NELL2: variants seen among roughly 807,000 people sequenced by gnomAD.
NELL2 encodes the protein protein kinase C-binding protein NELL2.
NELL2 carries 41 observed loss-of-function variants against 109.6 expected under a neutral mutation model. The ratio of observed to expected loss-of-function variants is 0.37; its 90% CI spans 0.29 to 0.49. The LOEUF is 0.49. Ranked by LOEUF, NELL2 falls within the 20% of genes least tolerant of loss-of-function variation. The pLI is 0.98. For missense variants in NELL2, 900 were observed against 1,008.3 expected (o/e 0.89, Z 1.45); for synonymous variants, 355 against 344.7 (o/e 1.03, Z -0.33).
intron 15 of NELL2, among the ~76,000 whole-genome samples, chr12:44,596,489 G>A (rs1944968494): frequency 6.6e-6 from 1 of 152,154 alleles, no homozygotes; most frequent in South Asian, 2.1e-4. Flanking sequence ...TGTAGGGATT[G>A]CAGTAAGGTC....
chr12:44,675,063 G>A (rs1203103736), intron 12 of NELL2, among the ~76,000 whole-genome samples: 1 of 152,130 alleles, frequency 6.6e-6, no homozygotes, highest in Non-Finnish European at 1.5e-5. Flanking sequence ...ATGGTCTGAT[G>A]TGAAGCTCAA....
At chr12:44,537,887 T>G (rs1400920533) in intron 15 of NELL2, among the ~76,000 whole-genome samples, 1 of 152,164 alleles carries the variant, frequency 6.6e-6, no homozygotes, top group African/African-American at 2.4e-5. Context: ...TTCTCATGAA[T>G]TTTTTGAAAA....
chr12:44,528,097 CAAAA>C (rs71093812), intron 16 of NELL2, among the ~76,000 whole-genome samples: 13 of 22,000 alleles, frequency 5.9e-4, no homozygotes, highest in East Asian at 2.4e-3. Flanking sequence ...GACTCCGTCT[CAAAA>C]AAAAAAAAAA....
At chr12:44,892,930 A>G (rs1176167891) in intron 1 of NELL2, among the ~76,000 whole-genome samples, 1 of 152,206 alleles carries the variant, frequency 6.6e-6, no homozygotes, top group Admixed American at 6.5e-5. Context: ...TATTAAAAAA[A>G]ATCATAATCC....
At chr12:44,561,096 T>C (rs1050577796) in intron 15 of NELL2, among the ~76,000 whole-genome samples, 2 of 152,142 alleles carry the variant, frequency 1.3e-5, no homozygotes, top group Non-Finnish European at 2.9e-5. Flanking sequence ...ATTATCTCAA[T>C]AGATGCAGAA....
rs147451678 is a variant in NELL2, at chr12:44,890,355, C to A, written c.39-14455G>T. Reference sequence around the variant, plus strand: ...GGGAAGACTGGCCATCATTTAGGATCATATAATAGAAAAGCATGTAAAGTT... The same window carrying A: ...GGGAAGACTGGCCATCATTTAGGATAATATAATAGAAAAGCATGTAAAGTT... On this transcript the variant is annotated intron_variant, in intron 1 of 20. Coordinates refer to the NELL2 transcript ENST00000333837. 3.1e-3 allele frequency among the ~76,000 whole-genome samples: 470 copies of A among 152,300 alleles called. 3 individuals carry two copies. Among genetic ancestry groups the A allele is most frequent in the African/African-American group, 0.011 (443 of 41,558 alleles).
At chr12:44,711,141 T>C in intron 11 of NELL2, 151 bp downstream of exon 11, 1 of 591,588 alleles carries the variant, frequency 1.7e-6, no homozygotes, top group South Asian at 1.9e-5. Flanking sequence ...CTACCTACTG[T>C]GCTACTCTGT....
intron 2 of NELL2, among the ~76,000 whole-genome samples, chr12:44,872,993 C>T (rs1461743851): frequency 6.6e-6 from 1 of 152,148 alleles, no homozygotes; most frequent in Non-Finnish European, 1.5e-5. Context: ...AAAGACCTTG[C>T]CAAGGTAATG....
chr12:44,912,890 A>T (rs1052073033), intron 1 of NELL2, among the ~76,000 whole-genome samples: 1 of 152,172 alleles, frequency 6.6e-6, no homozygotes, highest in Admixed American at 6.5e-5. Context: ...AATCCTAGCT[A>T]TTCCACTTAC....
intron 12 of NELL2, among the ~76,000 whole-genome samples, chr12:44,684,352 TC>T (rs1468950561): frequency 8.5e-5 from 13 of 152,148 alleles, no homozygotes; most frequent in African/African-American, 3.1e-4. Flanking sequence ...ATTTTGTTGA[TC>T]CTTTCAAAAA....
chr12:44,519,919 C>T, intron 19 of NELL2, 86 bp downstream of exon 19: 1 of 1,172,190 alleles, frequency 8.5e-7, no homozygotes. Flanking sequence ...AAAAACCTTC[C>T]TATTGTCCAG....
At chr12:44,637,635 G>A (rs570412489) in intron 13 of NELL2, among the ~76,000 whole-genome samples, 48 of 149,404 alleles carry the variant, frequency 3.2e-4, no homozygotes, top group African/African-American at 8.9e-4. Context: ...GGGAATACGC[G>A]TGTAAAGACC....
chr12:44,765,642 T>C (rs751086911), intron 9 of NELL2, among the ~76,000 whole-genome samples: 3 of 152,210 alleles, frequency 2.0e-5, no homozygotes, highest in Non-Finnish European at 4.4e-5. Flanking sequence ...CAAATAGATA[T>C]GTTACCAGCT....
chr12:44,646,617 T>C (rs543401139), intron 13 of NELL2, among the ~76,000 whole-genome samples: 42 of 152,266 alleles, frequency 2.8e-4, no homozygotes, highest in Non-Finnish European at 4.9e-4. Flanking sequence ...ACTCAACCAT[T>C]TTTGGATTGC....
At chr12:44,559,898 C>T (rs1242537005) in intron 15 of NELL2, among the ~76,000 whole-genome samples, 1 of 152,164 alleles carries the variant, frequency 6.6e-6, no homozygotes, top group Non-Finnish European at 1.5e-5. Context: ...CCACATCACA[C>T]TTATTCTAAA....
At chr12:44,771,900 A>G (rs1310091200) in intron 9 of NELL2, among the ~76,000 whole-genome samples, 1 of 152,244 alleles carries the variant, frequency 6.6e-6, no homozygotes, top group Non-Finnish European at 1.5e-5. Flanking sequence ...GAAGAGCACC[A>G]AAAAGTGACT....
chr12:44,684,195 T>A (rs769408442), intron 12 of NELL2, among the ~76,000 whole-genome samples: 1 of 152,234 alleles, frequency 6.6e-6, no homozygotes, highest in Non-Finnish European at 1.5e-5. Flanking sequence ...GATTTTCTAG[T>A]TTATTTGCAT....
chr12:44,619,237 G>A (rs972561321), intron 13 of NELL2, among the ~76,000 whole-genome samples: 1 of 152,130 alleles, frequency 6.6e-6, no homozygotes, highest in Non-Finnish European at 1.5e-5. Context: ...GTATAAAAAG[G>A]CCCTCAAGTA....
chr12:44,746,394 A>C (rs1316644428), intron 9 of NELL2, among the ~76,000 whole-genome samples: 1 of 152,192 alleles, frequency 6.6e-6, no homozygotes, highest in African/African-American at 2.4e-5. Flanking sequence ...ATGGGCAAGT[A>C]CTTCATGTCT....
Sources: gnomAD v4.1 joint callset for allele counts (sites outside exome capture counted in the v4.1 genomes callset) on GRCh38, gnomAD v4.1.1 for gene constraint, MANE v1.5 for transcripts, NCBI Gene and HGNC (gene_info 2026-07-23, HGNC 2026-07-21) for gene names.